The following FURIN variants were observed in gnomAD, a reference collection of about 807,000 sequenced individuals.
FURIN encodes FES upstream region.
A neutral mutation model predicts 89.2 loss-of-function variants in FURIN; 18 were observed. The ratio of observed to expected loss-of-function variants is 0.20; its 90% CI spans 0.14 to 0.30. FURIN has a LOEUF of 0.30. Among genes scored for constraint, FURIN ranks in the 10% least tolerant of loss-of-function variants. FURIN has a pLI of 1.00. For synonymous variants in FURIN, 508 were observed against 466.4 expected, an observed-to-expected ratio of 1.09 and a Z score of -1.15; for missense variants, 879 against 1,100.5, an observed-to-expected ratio of 0.80 and a Z score of 2.85.
At chr15:90,872,460 T>TGATA (rs1406718806) in intron 1 of FURIN, among the ~76,000 whole-genome samples, 2 of 151,964 alleles carry the variant, frequency 1.3e-5, no homozygotes, top group South Asian at 4.2e-4. Flanking sequence ...AGAACCCGGG[T>TGATA]GATATGGCCT....
At chr15:90,880,326 C>T (rs1254127840) in intron 13 of FURIN, 53 bp downstream of exon 13, 11 of 1,436,100 alleles carry the variant, frequency 7.7e-6, no homozygotes, top group Admixed American at 1.9e-5. Context: ...TCTCACAGCC[C>T]GCGTGCTTGC....
chr15:90,870,058 T>C (rs1332448711), intron 1 of FURIN, among the ~76,000 whole-genome samples: 2 of 152,240 alleles, frequency 1.3e-5, no homozygotes, highest in Non-Finnish European at 2.9e-5. Context: ...ATCTTCCCGC[T>C]CAACTTTGAG....
In FURIN at chr15:90,876,977, C is replaced by T; in HGVS notation, c.454C>T (p.Leu152=). 1 of 1,614,168 alleles carries T rather than the reference C, an allele frequency of 6.2e-7. No homozygotes were observed. Reference sequence around the variant, plus strand: ...AGGGCACGGCATTGTGGTCTCCATTCTGGACGATGGCATCGAGAAGAACCA... The same window carrying T: ...AGGGCACGGCATTGTGGTCTCCATTTTGGACGATGGCATCGAGAAGAACCA... ...YTGHGIVVSI[L]DDGIEKNHPD... Residue 152 remains leucine (L), a synonymous_variant, in exon 5 of 16, where the codon CTG becomes TTG. Coordinates refer to ENST00000268171, the MANE Select transcript of FURIN (RefSeq NM_002569.4). The surrounding 1 kb of genome is among the most constrained non-coding windows in gnomAD (Gnocchi z 5.0).
rs2032005033 is a variant in FURIN, at chr15:90,881,915, C to T, written c.*37C>T. On this transcript the variant is annotated 3_prime_UTR_variant, in exon 16 of 16. Transcript: ENST00000268171. This position sits in a 1 kb window ranked among gnomAD's most constrained non-coding sequence, Gnocchi z 4.3. ...CCCACCCCCTCAAGCCAATCCCCTC[C>T]TTGGGCACTTTTTAATTCACCAAAG... 1.4e-6 allele frequency: 2 copies of T among 1,400,522 alleles called. No individual in the cohort carries two copies. The highest frequency in any genetic ancestry group is 4.7e-5 in the East Asian group (2 of 42,540). The allele number at this position is 1,400,522 out of a possible 1,614,324, so 86.8% of individuals were successfully genotyped here. A position where few individuals can be genotyped will look rare whatever the true frequency, so the allele number is the denominator to read the frequency against.
rs193244176 is a variant in FURIN, at chr15:90,872,448, G to A, written c.-159-3134G>A. ...TCCTATTCTGACTTGGGAAGTGCGA[G>A]GAGAACCCGGGTGATATGGCCTGGT... On this transcript the variant is annotated intron_variant, in intron 1 of 15. Coordinates refer to ENST00000268171, the MANE Select transcript of FURIN (RefSeq NM_002569.4). 2.6e-5 allele frequency among the ~76,000 whole-genome samples: 4 copies of A among 152,254 alleles called. No homozygotes were observed. In the East Asian group the frequency reaches 7.8e-4, roughly 30 times the overall value.
Position 90,876,060 on chromosome 15 carries a change from G to T in FURIN, c.177+143G>T, listed in dbSNP as rs2151222770. On this transcript the variant is annotated intron_variant, in intron 2 of 15. Transcript: ENST00000268171. The surrounding 1 kb of genome is among the most constrained non-coding windows in gnomAD (Gnocchi z 5.0). Reference sequence around the variant, plus strand: ...GGTGGCCATGAGCAAAGCACAGGTGGTTCAGGCAAGCAGCATATCCCAGTG... The same window carrying T: ...GGTGGCCATGAGCAAAGCACAGGTGTTTCAGGCAAGCAGCATATCCCAGTG... 2.5e-6 allele frequency: 2 copies of T among 793,116 alleles called. No individual in the cohort carries two copies. The highest frequency in any genetic ancestry group is 3.4e-5 in the South Asian group (2 of 59,260). The allele number at this position is 793,116 out of a possible 1,614,324, so 49.1% of individuals were successfully genotyped here. A position where few individuals can be genotyped will look rare whatever the true frequency, so the allele number is the denominator to read the frequency against.
At position 90,879,981 on chromosome 15, in the gene FURIN, C is replaced by T. The variant is rs751685663; in HGVS notation, c.1373C>T (p.Pro458Leu). The T allele has an allele frequency of 6.2e-7, 1 of 1,612,258 alleles. No homozygotes were observed. The highest frequency in any genetic ancestry group is 1.3e-5 in the African/African-American group (1 of 74,938). Residue 458 changes from proline to leucine, a missense_variant, in exon 12 of 16, where the codon CCC becomes CTC. This residue lies in a region of FURIN where 457 missense variants were observed against 490.7 expected (regional missense o/e 0.93). Transcript: ENST00000268171. ...RKCIIDILTE[P>L]KDIGKRLEVR... is the part of the protein sequence containing the mutation. ...TGCATCATCGACATCCTCACCGAGCCCAAGTGAGGGCTGGACCCAGGCTGG... is the reference window on the plus strand; with the variant it reads ...TGCATCATCGACATCCTCACCGAGCTCAAGTGAGGGCTGGACCCAGGCTGG...
At chr15:90,872,457 G>A (rs892899317) in intron 1 of FURIN, among the ~76,000 whole-genome samples, 13 of 152,162 alleles carry the variant, frequency 8.5e-5, no homozygotes, top group Admixed American at 2.6e-4. Flanking sequence ...AGGAGAACCC[G>A]GGTGATATGG....
In FURIN at chr15:90,880,288, C is replaced by A; in HGVS notation, c.1556+15C>A. On this transcript the variant is annotated intron_variant, in intron 13 of 15. Coordinates refer to ENST00000268171, the MANE Select transcript of FURIN (RefSeq NM_002569.4). The stretch of plus-strand genomic sequence containing the variant: ...CTGGCAGCCAGGTGCTTGCTCTGTC[C>A]CTGCCCGCCCTGCCCAGCGCCGCCG... The A allele has an allele frequency of 1.3e-6, 2 of 1,577,922 alleles. No individual in the cohort carries two copies. Among genetic ancestry groups the A allele is most frequent in the Non-Finnish European group, 1.7e-6 (2 of 1,159,254 alleles).
chr15:90,876,371 C>CCCCT lies in FURIN; in HGVS notation c.276+21_276+24dup, dbSNP rs2031626095. On this transcript the variant is annotated intron_variant, in intron 3 of 15. Transcript: ENST00000268171. This position sits in a 1 kb window ranked among gnomAD's most constrained non-coding sequence, Gnocchi z 5.0. ...AGCCTCAAGTGAGTGTGGCCCCAGC[C>CCCCT]CCCTCCTGCTGCCACCCTCCCCCTC... The CCCCT allele has an allele frequency of 5.1e-6, 8 of 1,572,274 alleles. No individual in the cohort carries two copies. The East Asian group carries it at 1.8e-4, about 35-fold the overall frequency.
chr15:90,880,967 C>T lies in FURIN; in HGVS notation c.1719C>T (p.Thr573=), dbSNP rs781393130. ...LTKFTLVLYG[T]APEGLPVPPE... is the part of the protein sequence containing the mutation. The stretch of plus-strand genomic sequence containing the variant: ...AGTTCACCCTCGTACTCTATGGCAC[C>T]GCCCCTGAGGGGCTGCCCGTACCTC... Residue 573 remains threonine (T), a synonymous_variant, in exon 15 of 16, where the codon ACC becomes ACT. Transcript: ENST00000268171. The T allele has an allele frequency of 1.7e-5, 27 of 1,613,902 alleles. No homozygotes were observed. Among genetic ancestry groups the T allele is most frequent in the East Asian group, 6.7e-5 (3 of 44,900 alleles).
At position 90,881,053 on chromosome 15, in the gene FURIN, T is replaced by A; in HGVS notation, c.1792+13T>A. ...CAGGCCTGTGTGGGTCAGTAGTGGG[T>A]GCTGTTGGGCTTTGGGGGCCTGAGT... On this transcript the variant is annotated intron_variant, in intron 15 of 15. Transcript: ENST00000268171. The surrounding 1 kb of genome is among the most constrained non-coding windows in gnomAD (Gnocchi z 4.3). 1 of 1,582,764 alleles carries A rather than the reference T, an allele frequency of 6.3e-7. No individual in the cohort carries two copies. Among genetic ancestry groups the A allele is most frequent in the Non-Finnish European group, 8.7e-7 (1 of 1,151,526 alleles).
Position 90,880,753 on chromosome 15 carries a change from A to G in FURIN, c.1619A>G (p.Asp540Gly), listed in dbSNP as rs770689278. 1 of 1,614,080 alleles carries G rather than the reference A, an allele frequency of 6.2e-7. No individual in the cohort carries two copies. The highest frequency in any genetic ancestry group is 2.2e-5 in the East Asian group (1 of 44,878). ...DWAFMTTHSWDEDPSGEWVLE... is the reference protein window; with the variant it reads ...DWAFMTTHSWGEDPSGEWVLE... ...GCCTTCATGACAACTCATTCCTGGG[A>G]TGAGGATCCCTCTGGCGAGTGGGTC... Residue 540 changes from aspartate (D) to glycine (G), a missense_variant, in exon 14 of 16, where the codon GAT (aspartate) becomes GGT (glycine). Coordinates refer to ENST00000268171, the MANE Select transcript of FURIN (RefSeq NM_002569.4).
intron 1 of FURIN, among the ~76,000 whole-genome samples, chr15:90,869,460 G>A (rs2031185990): frequency 1.3e-5 from 2 of 152,186 alleles, no homozygotes; most frequent in Admixed American, 1.3e-4. Flanking sequence ...ATTCTTTTTA[G>A]CAGCAGAATT....
chr15:90,875,351 A>G (rs2031552889), intron 1 of FURIN, among the ~76,000 whole-genome samples: 1 of 151,936 alleles, frequency 6.6e-6, no homozygotes. Context: ...TACATTTCTT[A>G]TATTCTTGCA....
At chr15:90,872,184 A>T (rs1009874191) in intron 1 of FURIN, among the ~76,000 whole-genome samples, 5 of 151,448 alleles carry the variant, frequency 3.3e-5, no homozygotes, top group African/African-American at 1.2e-4. Context: ...CTGTGCGGCC[A>T]GGACTCGGGT....
chr15:90,878,333 G>A (rs748055070), intron 8 of FURIN, 29 bp downstream of exon 8: 10 of 1,533,712 alleles, frequency 6.5e-6, no homozygotes, highest in South Asian at 2.5e-5. Flanking sequence ...CAGCCCCTGC[G>A]GGCAGGTTGG....
chr15:90,877,055 C>T, intron 5 of FURIN, 31 bp downstream of exon 5: 1 of 1,613,614 alleles, frequency 6.2e-7, no homozygotes, highest in Middle Eastern at 1.7e-4. Flanking sequence ...GGCCGTGATC[C>T]CTGCTGAGGT....
chr15:90,876,319 G>T lies in FURIN; in HGVS notation c.242G>T (p.Arg81Leu). 6.2e-7 allele frequency: 1 copy of T among 1,612,646 alleles called. No homozygotes were observed. The highest frequency in any genetic ancestry group is 8.5e-7 in the Non-Finnish European group (1 of 1,179,028). The change falls in exon 3 of 16, where the codon CGC becomes CTC. Residue 81 changes from arginine (R) to leucine (L), a missense_variant. This residue lies in a region of FURIN where 125 missense variants were observed against 125.0 expected (regional missense o/e 1.00). Coordinates refer to ENST00000268171, the MANE Select transcript of FURIN (RefSeq NM_002569.4). This position sits in a 1 kb window ranked among gnomAD's most constrained non-coding sequence, Gnocchi z 5.0. Reference sequence around the variant, plus strand: ...ACGAAGCGGTCCCTGTCGCCTCACCGCCCGCGGCACAGCCGGCTGCAGAGG... The same window carrying T: ...ACGAAGCGGTCCCTGTCGCCTCACCTCCCGCGGCACAGCCGGCTGCAGAGG... ...GVTKRSLSPH[R>L]PRHSRLQREP...
Sources: gnomAD v4.1 joint callset for allele counts (sites outside exome capture counted in the v4.1 genomes callset) on GRCh38, gnomAD v4.1.1 for gene constraint, gnomAD v4.1.1 regional missense constraint, Gnocchi (gnomAD v3.1) non-coding constraint, MANE v1.5 for transcripts, NCBI Gene and HGNC (gene_info 2026-07-23, HGNC 2026-07-21) for gene names.